SPAG16: variants seen among roughly 807,000 people sequenced by gnomAD.
SPAG16 encodes sperm-associated antigen 16 protein.
A neutral mutation model predicts 80.4 loss-of-function variants in SPAG16; 86 were observed. That is an observed-to-expected ratio of 1.07 (90% CI 0.90 to 1.28). The LOEUF is 1.28. Among genes scored for constraint, SPAG16 ranks in the 50% most tolerant of loss-of-function variants. The pLI, the probability that SPAG16 is intolerant of heterozygous loss-of-function variation, is 0.00. For missense variants in SPAG16, 870 were observed against 765.3 expected (o/e 1.14, Z -1.61); for synonymous variants, 294 against 265.9 (o/e 1.11, Z -1.03).
intron 10 of SPAG16, among the ~76,000 whole-genome samples, chr2:213,550,791 A>G (rs1179885832): frequency 1.3e-5 from 2 of 152,144 alleles, no homozygotes; most frequent in Non-Finnish European, 2.9e-5. Flanking sequence ...TCACCTTTAT[A>G]TCATTGCTGA....
chr2:213,781,437 T>C (rs2069959749), intron 10 of SPAG16, among the ~76,000 whole-genome samples: 1 of 152,124 alleles, frequency 6.6e-6, no homozygotes, highest in African/African-American at 2.4e-5. Context: ...CCAGGTTTCT[T>C]CCTGCCTTCT....
intron 15 of SPAG16, among the ~76,000 whole-genome samples, chr2:214,286,252 G>A (rs369141821): frequency 7.2e-5 from 11 of 152,012 alleles, no homozygotes; most frequent in Non-Finnish European, 1.6e-4. Flanking sequence ...GAGATCTAAC[G>A]TACAACAATG....
chr2:213,536,086 A>C (rs554121647), intron 10 of SPAG16, among the ~76,000 whole-genome samples: 1 of 152,196 alleles, frequency 6.6e-6, no homozygotes, highest in South Asian at 2.1e-4. Flanking sequence ...ATTGGATTTT[A>C]TTTTAAATGT....
chr2:214,364,819 A>T (rs993359157), intron 15 of SPAG16, among the ~76,000 whole-genome samples: 1 of 152,084 alleles, frequency 6.6e-6, no homozygotes, highest in Non-Finnish European at 1.5e-5. Context: ...ATGACAGATA[A>T]ATGCATTCCT....
intron 15 of SPAG16, among the ~76,000 whole-genome samples, chr2:214,390,733 G>T (rs1436837408): frequency 6.6e-6 from 1 of 152,110 alleles, no homozygotes; most frequent in African/African-American, 2.4e-5. Flanking sequence ...AGTCCAACTG[G>T]ATGGAATATG....
At chr2:214,300,437 G>A (rs1694464764) in intron 15 of SPAG16, among the ~76,000 whole-genome samples, 1 of 152,236 alleles carries the variant, frequency 6.6e-6, no homozygotes, top group Admixed American at 6.5e-5. Flanking sequence ...GAGAGTGCTA[G>A]AAGTTTTTTA....
At chr2:214,007,716 C>T (rs1414711609) in intron 12 of SPAG16, among the ~76,000 whole-genome samples, 1 of 152,122 alleles carries the variant, frequency 6.6e-6, no homozygotes, top group Non-Finnish European at 1.5e-5. Flanking sequence ...TATAATTGCT[C>T]TGCACATTAT....
At chr2:213,881,360 G>C (rs184745097) in intron 11 of SPAG16, among the ~76,000 whole-genome samples, 1 of 152,146 alleles carries the variant, frequency 6.6e-6, no homozygotes, top group African/African-American at 2.4e-5. Context: ...AGTTCTAGCA[G>C]CCTTTTGACA....
chr2:214,334,309 C>T (rs913795841), intron 15 of SPAG16, among the ~76,000 whole-genome samples: 17 of 152,100 alleles, frequency 1.1e-4, no homozygotes, highest in African/African-American at 3.6e-4. Flanking sequence ...GAATCATCTG[C>T]GAATAAGGGG....
At chr2:213,334,693 A>C (rs1188239342) in intron 5 of SPAG16, among the ~76,000 whole-genome samples, 1 of 152,172 alleles carries the variant, frequency 6.6e-6, no homozygotes, top group East Asian at 1.9e-4. Flanking sequence ...AAGTGAAATA[A>C]CCCAGGCATG....
At chr2:213,979,152 A>G (rs768925109) in intron 12 of SPAG16, among the ~76,000 whole-genome samples, 1 of 152,014 alleles carries the variant, frequency 6.6e-6, no homozygotes, top group Non-Finnish European at 1.5e-5. Context: ...ACAGAAGGGT[A>G]GAAATAGTAG....
intron 10 of SPAG16, among the ~76,000 whole-genome samples, chr2:213,792,594 T>C (rs1017817842): frequency 3.4e-5 from 5 of 146,518 alleles, no homozygotes; most frequent in African/African-American, 1.3e-4. Flanking sequence ...TTTTTTTTTT[T>C]TTTTTTGGAG....
chr2:214,120,642 G>A (rs1364065132), intron 14 of SPAG16, among the ~76,000 whole-genome samples: 1 of 151,634 alleles, frequency 6.6e-6, no homozygotes, highest in Non-Finnish European at 1.5e-5. Flanking sequence ...CACTTAAAAT[G>A]TTCTCCTCTC....
intron 10 of SPAG16, among the ~76,000 whole-genome samples, chr2:213,512,204 A>C (rs1427299622): frequency 1.3e-5 from 2 of 152,142 alleles, no homozygotes; most frequent in African/African-American, 4.8e-5. Context: ...GAGGGAAAGA[A>C]GCATATAAAG....
intron 11 of SPAG16, among the ~76,000 whole-genome samples, chr2:213,888,400 A>T (rs2076652410): frequency 6.6e-6 from 1 of 151,886 alleles, no homozygotes; most frequent in Non-Finnish European, 1.5e-5. Flanking sequence ...ATTATCTCTT[A>T]AAAAACTTAA....
chr2:213,286,695 CT>C (rs2126042908), intron 1 of SPAG16, among the ~76,000 whole-genome samples: 1 of 152,322 alleles, frequency 6.6e-6, no homozygotes, highest in African/African-American at 2.4e-5. Flanking sequence ...TGCATTTGGC[CT>C]GGATTTCCCT....
chr2:213,988,189 A>G (rs1266102388), intron 12 of SPAG16, among the ~76,000 whole-genome samples: 1 of 152,082 alleles, frequency 6.6e-6, no homozygotes, highest in Non-Finnish European at 1.5e-5. Context: ...AGCACTTGAT[A>G]AAGCTAACAG....
At chr2:214,021,210 AT>A (rs770747025) in intron 13 of SPAG16, among the ~76,000 whole-genome samples, 1 of 152,124 alleles carries the variant, frequency 6.6e-6, no homozygotes, top group African/African-American at 2.4e-5. Flanking sequence ...AGTAGAAAAC[AT>A]TTTTTTGGTC....
At chr2:213,990,189 T>C (rs1481820146) in intron 12 of SPAG16, among the ~76,000 whole-genome samples, 1 of 152,136 alleles carries the variant, frequency 6.6e-6, no homozygotes, top group Admixed American at 6.6e-5. Flanking sequence ...TATATAAAAA[T>C]AATATCCCTA....
Sources: gnomAD v4.1 joint callset for allele counts (sites outside exome capture counted in the v4.1 genomes callset) on GRCh38, gnomAD v4.1.1 for gene constraint, MANE v1.5 for transcripts, NCBI Gene and HGNC (gene_info 2026-07-23, HGNC 2026-07-21) for gene names.